Variants in HYDIN observed in about 807,000 individuals in gnomAD.
HYDIN encodes the protein HYDIN axonemal central pair apparatus protein, also known as axonemal central pair apparatus protein HYDIN.
A neutral mutation model predicts 403.9 loss-of-function variants in HYDIN; 132 were observed. The ratio of observed to expected loss-of-function variants is 0.33; its 90% CI spans 0.28 to 0.38. The LOEUF is 0.38. Among genes scored for constraint, HYDIN ranks in the 10% least tolerant of loss-of-function variants. The pLI is 1.00. For missense variants in HYDIN, 2,827 were observed against 5,009.5 expected, an observed-to-expected ratio of 0.56 and a Z score of 13.15; for synonymous variants, 1,202 against 1,891.7, an observed-to-expected ratio of 0.64 and a Z score of 9.46.
Position 70,872,043 on chromosome 16 carries a change from G to A in HYDIN, c.11085C>T (p.Ser3695=), listed in dbSNP as rs762238407. 5 of 1,604,200 alleles carry A rather than the reference G, an allele frequency of 3.1e-6. No individual in the cohort carries two copies. The highest frequency in any genetic ancestry group is 1.7e-5 in the Admixed American group (1 of 59,472). The part of the protein sequence containing the change: ...EWPVSATIAF[S]PQMGHLHPGC... ...ATGAATGACTTTTATTTACCTGTGG[G>A]GAGAAAGCAATTGTAGCTGAAACAG... The change falls in exon 65 of 86, where the codon TCC becomes TCT. Residue 3695 remains serine (S), a synonymous_variant. Coordinates refer to ENST00000393567, the MANE Select transcript of HYDIN (RefSeq NM_001270974.2).
chr16:70,864,807 G>A (rs1346330055), intron 67 of HYDIN, among the ~76,000 whole-genome samples: 1 of 152,158 alleles, frequency 6.6e-6, no homozygotes, highest in Non-Finnish European at 1.5e-5. Flanking sequence ...TAAGTTTTTT[G>A]TCTTTGTGTC....
At chr16:71,049,772 A>C (rs2081572106) in intron 18 of HYDIN, among the ~76,000 whole-genome samples, 2 of 146,324 alleles carry the variant, frequency 1.4e-5, no homozygotes, top group Admixed American at 1.4e-4. Flanking sequence ...CTCAAGAATA[A>C]GCGGCTATAA....
chr16:70,940,036 G>A (rs946227744), intron 43 of HYDIN, among the ~76,000 whole-genome samples: 1 of 152,012 alleles, frequency 6.6e-6, no homozygotes, highest in African/African-American at 2.4e-5. Flanking sequence ...ATGGAATTTT[G>A]TTATGGCAGT....
intron 18 of HYDIN, among the ~76,000 whole-genome samples, chr16:71,040,415 T>G (rs1286370378): frequency 6.7e-6 from 1 of 148,706 alleles, no homozygotes; most frequent in Admixed American, 6.7e-5. Context: ...TCAGAGGCAC[T>G]GAGTCTTTTT....
chr16:70,943,999 A>C, intron 41 of HYDIN, 50 bp from the exon 42 acceptor site: 1 of 1,354,470 alleles, frequency 7.4e-7, no homozygotes, highest in Non-Finnish European at 1.0e-6. Flanking sequence ...TTGTATCTCA[A>C]CAACTCCTAC....
At chr16:70,911,859 G>GT (rs1211367785) in intron 47 of HYDIN, among the ~76,000 whole-genome samples, 3 of 148,518 alleles carry the variant, frequency 2.0e-5, no homozygotes, top group Non-Finnish European at 2.9e-5. Context: ...TATTTTATTT[G>GT]TTTTTTTGCA....
At chr16:70,808,135 G>T in intron 85 of HYDIN, 73 bp from the exon 86 acceptor site, 11 of 1,505,978 alleles carry the variant, frequency 7.3e-6, no homozygotes, top group Non-Finnish European at 9.8e-6. Context: ...GTCTACCCCA[G>T]CCCCTCCACT....
At chr16:71,092,117 T>C (rs2083126355) in intron 11 of HYDIN, among the ~76,000 whole-genome samples, 1 of 150,498 alleles carries the variant, frequency 6.6e-6, no homozygotes, top group East Asian at 2.0e-4. Context: ...TCACTAACAT[T>C]ACATGCTGCA....
At chr16:71,201,474 C>A (rs1319058219) in intron 1 of HYDIN, among the ~76,000 whole-genome samples, 1 of 152,212 alleles carries the variant, frequency 6.6e-6, no homozygotes, top group Non-Finnish European at 1.5e-5. Flanking sequence ...AAACCCCTCA[C>A]TCCAATCCAG....
chr16:71,004,283 C>G (rs1202529617), intron 23 of HYDIN, among the ~76,000 whole-genome samples: 3 of 149,404 alleles, frequency 2.0e-5, no homozygotes, highest in Non-Finnish European at 4.4e-5. Flanking sequence ...CATTGCACTC[C>G]ATCCTGGGCA....
chr16:70,828,751 G>C (rs1238375338), intron 81 of HYDIN, among the ~76,000 whole-genome samples: 1 of 152,106 alleles, frequency 6.6e-6, no homozygotes, highest in Non-Finnish European at 1.5e-5. Flanking sequence ...ACAAATTGTG[G>C]AATTCTCATT....
chr16:70,939,154 C>T (rs913294513), intron 43 of HYDIN, among the ~76,000 whole-genome samples: 22 of 152,086 alleles, frequency 1.4e-4, no homozygotes, highest in African/African-American at 4.6e-4. Context: ...ATAGTAGGAG[C>T]AGGGGTCAGA....
At chr16:71,198,829 A>T (rs2087838775) in intron 1 of HYDIN, among the ~76,000 whole-genome samples, 1 of 152,004 alleles carries the variant, frequency 6.6e-6, no homozygotes, top group South Asian at 2.1e-4. Context: ...GTCTTAACAA[A>T]CTCAGACAAG....
At chr16:71,161,374 A>G (rs2085994814) in intron 6 of HYDIN, among the ~76,000 whole-genome samples, 1 of 152,200 alleles carries the variant, frequency 6.6e-6, no homozygotes, top group Non-Finnish European at 1.5e-5. Flanking sequence ...GTGCAGCCTG[A>G]TTCCTAAAAG....
chr16:71,003,246 A>G (rs1387768096), intron 23 of HYDIN, among the ~76,000 whole-genome samples: 1 of 152,200 alleles, frequency 6.6e-6, no homozygotes, highest in Non-Finnish European at 1.5e-5. Context: ...TATAAAGTTT[A>G]GGATCAACCT....
rs773207724 is a variant in HYDIN, at chr16:71,178,948, T to C, written c.361A>G (p.Ile121Val). The change falls in exon 4 of 86, where the codon ATT (isoleucine) becomes GTT (valine). Residue 121 changes from isoleucine (I) to valine (V), a missense_variant. Ile to Val is a conservative substitution (Grantham distance 29, BLOSUM62 3). Transcript: ENST00000393567. ...TPCEVYEVPL[I>V]LRNNDKIPRL... Reference sequence around the variant, plus strand: ...CTCACTTTGTCATTGTTCCTCAAAATCAGTGGAACTTCATAGACTTCACAG... The same window carrying C: ...CTCACTTTGTCATTGTTCCTCAAAACCAGTGGAACTTCATAGACTTCACAG... The C allele has an allele frequency of 6.2e-7, 1 of 1,612,296 alleles. No individual in the cohort carries two copies. The highest frequency in any genetic ancestry group is 1.1e-5 in the South Asian group (1 of 90,814).
chr16:70,820,424 T>C (rs1183842570), intron 83 of HYDIN, among the ~76,000 whole-genome samples: 18 of 149,290 alleles, frequency 1.2e-4, no homozygotes, highest in Middle Eastern at 3.7e-3. Context: ...TGTGATCTGC[T>C]CGCCTCGGCC....
chr16:71,179,077 A>T, intron 3 of HYDIN, 30 bp from the exon 4 acceptor site: 9 of 1,577,154 alleles, frequency 5.7e-6, no homozygotes, highest in Non-Finnish European at 7.8e-6. Flanking sequence ...TTATTGTTAT[A>T]GTCACACATT....
chr16:71,212,648 G>A (rs1287639724), intron 1 of HYDIN, among the ~76,000 whole-genome samples: 1 of 152,050 alleles, frequency 6.6e-6, no homozygotes, highest in East Asian at 1.9e-4. Context: ...GATTATGCAG[G>A]ACAGTACATG....
Sources: allele counts gnomAD v4.1 joint callset (sites outside exome capture counted in the v4.1 genomes callset), GRCh38; gene constraint gnomAD v4.1.1; transcripts MANE v1.5; gene names NCBI Gene and HGNC (gene_info 2026-07-23, HGNC 2026-07-21).